EIF4G3: variants seen among roughly 807,000 people sequenced by gnomAD.
EIF4G3 encodes eukaryotic translation initiation factor 4 gamma 3, also known as eIF-4-gamma 3.
In EIF4G3, 34 loss-of-function variants were observed where a neutral mutation model predicts 186.4. The observed-to-expected ratio is 0.18, with a 90% confidence interval of 0.14 to 0.24. EIF4G3 has a LOEUF of 0.24. Ranked by LOEUF, EIF4G3 falls within the 10% of genes least tolerant of loss-of-function variation. The pLI, the probability that EIF4G3 is intolerant of heterozygous loss-of-function variation, is 1.00. For synonymous variants in EIF4G3, 673 were observed against 679.5 expected (o/e 0.99, Z 0.15); for missense variants, 1,536 against 1,948.5 (o/e 0.79, Z 3.99).
intron 29 of EIF4G3, chr1:20,847,689 C>A: frequency 2.4e-6 from 1 of 417,726 alleles, no homozygotes; most frequent in South Asian, 1.8e-5. Flanking sequence ...AAGAATACCC[C>A]TAATTTTCCA....
chr1:21,156,610 G>A lies in EIF4G3; in HGVS notation c.-272+19565C>T, dbSNP rs117836802. Among the ~76,000 whole-genome samples, 101 of 152,218 alleles carry A rather than the reference G, an allele frequency of 6.6e-4. 2 individuals are homozygous for A. The East Asian group carries it at 0.019, about 28-fold the overall frequency. On this transcript the variant is annotated intron_variant, in intron 2 of 36. Transcript: ENST00000602326. ...CATCTTTCTTACTCTATCAATGACAGCATCATTTTCTAGTCTCAAAACCCT... is the reference window on the plus strand; with the variant it reads ...CATCTTTCTTACTCTATCAATGACAACATCATTTTCTAGTCTCAAAACCCT...
intron 24 of EIF4G3, 74 bp downstream of exon 24, chr1:20,860,311 C>T: frequency 6.3e-7 from 1 of 1,589,740 alleles, no homozygotes; most frequent in Non-Finnish European, 8.6e-7. Flanking sequence ...TCATTTTATA[C>T]CTAAATACAT....
At position 21,080,127 on chromosome 1, in the gene EIF4G3, G is replaced by A. The variant is rs938495010; in HGVS notation, c.-196+9011C>T. ...CACGGTGCCACTGCAGTCCAGCCTC[G>A]GTGACAGAGTAAGACTCCAACTAAA... On this transcript the variant is annotated intron_variant, in intron 3 of 36. Coordinates refer to ENST00000602326, the MANE Select transcript of EIF4G3 (RefSeq NM_001391906.1). 3.7e-4 allele frequency among the ~76,000 whole-genome samples: 56 copies of A among 150,602 alleles called. 1 individual carries two copies. The highest frequency in any genetic ancestry group is 1.2e-3 in the African/African-American group (51 of 40,828).
At chr1:20,862,128 A>C (rs1412298910) in intron 23 of EIF4G3, 100 bp downstream of exon 23, 6 of 678,920 alleles carry the variant, frequency 8.8e-6, no homozygotes, top group Non-Finnish European at 1.4e-5. Flanking sequence ...AAGCAAAAGC[A>C]CTATCTTTAC....
At chr1:20,865,556 T>C (rs2077368560) in intron 20 of EIF4G3, among the ~76,000 whole-genome samples, 2 of 151,598 alleles carry the variant, frequency 1.3e-5, no homozygotes, top group Non-Finnish European at 2.9e-5. Context: ...TATCTAGACC[T>C]TATTTAAAAA....
At chr1:21,169,973 G>A (rs1053928223) in intron 2 of EIF4G3, among the ~76,000 whole-genome samples, 1 of 151,758 alleles carries the variant, frequency 6.6e-6, no homozygotes, top group Non-Finnish European at 1.5e-5. Flanking sequence ...TCAGGAGATT[G>A]AGAACATCTT....
Position 20,997,621 on chromosome 1 carries a change from G to A in EIF4G3, c.157C>T (p.Pro53Ser), listed in dbSNP as rs1399968710. 6.5e-7 allele frequency: 1 copy of A among 1,545,296 alleles called. No homozygotes were observed. ...WIKYCIFAAG[P>S]RPPHHQGGFR... ...AGTACCTGATGATGGGGAGGTCGAG[G>A]CCCCGCTGCAAACTGAGAAAAGGAG... The change falls in exon 7 of 37, where the codon CCT becomes TCT. Residue 53 changes from proline (P) to serine (S), a missense_variant. Physicochemically the swap from Pro to Ser is moderately conservative, Grantham distance 74 (BLOSUM62 -1). Around this residue, in one of 11 missense-constraint regions of EIF4G3, gnomAD observed 194 missense variants for 212.8 expected, o/e 0.91. Coordinates refer to ENST00000602326, the MANE Select transcript of EIF4G3 (RefSeq NM_001391906.1).
intron 27 of EIF4G3, among the ~76,000 whole-genome samples, chr1:20,853,232 G>A (rs541572776): frequency 6.4e-4 from 97 of 152,240 alleles, no homozygotes; most frequent in Non-Finnish European, 2.6e-4. Flanking sequence ...TGGGTGGATT[G>A]TCATGTTCTT....
intron 12 of EIF4G3, 23 bp from the exon 13 acceptor site, chr1:20,950,134 G>A (rs770828274): frequency 8.3e-5 from 127 of 1,538,224 alleles, no homozygotes; most frequent in Non-Finnish European, 1.0e-4. Flanking sequence ...GTACAAAAAA[G>A]GGTGATAATG....
intron 14 of EIF4G3, among the ~76,000 whole-genome samples, chr1:20,937,833 T>C (rs1343043906): frequency 1.3e-5 from 2 of 152,308 alleles, no homozygotes; most frequent in East Asian, 3.9e-4. Context: ...CCCAAGACTT[T>C]AATATATCAT....
intron 23 of EIF4G3, 130 bp from the exon 24 acceptor site, chr1:20,860,647 T>C: frequency 1.9e-6 from 2 of 1,026,098 alleles, no homozygotes; most frequent in East Asian, 2.6e-5. Context: ...GTTTCTCATG[T>C]ATCTTATAGA....
At chr1:20,906,261 T>C (rs1032588214) in intron 14 of EIF4G3, among the ~76,000 whole-genome samples, 27 of 152,214 alleles carry the variant, frequency 1.8e-4, no homozygotes, top group African/African-American at 6.0e-4. Flanking sequence ...AGGCTTCTAC[T>C]GAATACATAT....
chr1:21,047,925 C>G (rs1483272250), intron 4 of EIF4G3, among the ~76,000 whole-genome samples: 4 of 152,136 alleles, frequency 2.6e-5, no homozygotes, highest in Non-Finnish European at 5.9e-5. Context: ...AGGCTTCCCT[C>G]TGTCTGAAAG....
At chr1:20,972,716 C>T (rs751372753) in intron 11 of EIF4G3, among the ~76,000 whole-genome samples, 2 of 151,938 alleles carry the variant, frequency 1.3e-5, no homozygotes, top group Non-Finnish European at 2.9e-5. Context: ...TGAGTAAAAC[C>T]TTAGCCCACT....
rs1307705020 is a variant in EIF4G3, at chr1:21,151,044, ATC to A, written c.-272+25129_-272+25130del. ...CTACAGAAAAAAATCAAATGACCTA[ATC>A]TCACCAGCAACCAGTAACCACATGA... On this transcript the variant is annotated intron_variant, in intron 2 of 36. Coordinates refer to ENST00000602326, the MANE Select transcript of EIF4G3 (RefSeq NM_001391906.1). Among the ~76,000 whole-genome samples, 7 of 152,122 alleles carry A rather than the reference ATC, an allele frequency of 4.6e-5. No individual in the cohort carries two copies. The East Asian group carries it at 1.4e-3, about 29-fold the overall frequency.
At chr1:21,064,122 A>C (rs995721751) in intron 3 of EIF4G3, among the ~76,000 whole-genome samples, 1 of 152,198 alleles carries the variant, frequency 6.6e-6, no homozygotes, top group African/African-American at 2.4e-5. Context: ...GCAGTGAGGT[A>C]TCCAGACTGT....
intron 4 of EIF4G3, among the ~76,000 whole-genome samples, chr1:21,014,768 G>A (rs2088376844): frequency 6.6e-6 from 1 of 151,442 alleles, no homozygotes; most frequent in Non-Finnish European, 1.5e-5. Flanking sequence ...CTAGTAGCTG[G>A]GATAAGAGGC....
chr1:21,035,240 C>A (rs935492630), intron 4 of EIF4G3, among the ~76,000 whole-genome samples: 5 of 152,228 alleles, frequency 3.3e-5, no homozygotes, highest in Non-Finnish European at 7.3e-5. Flanking sequence ...CCAGGGCCAC[C>A]ATGCCACCTG....
intron 2 of EIF4G3, among the ~76,000 whole-genome samples, chr1:21,153,588 C>T (rs2097583710): frequency 6.6e-6 from 1 of 152,054 alleles, no homozygotes; most frequent in African/African-American, 2.4e-5. Context: ...GAGACGGAGT[C>T]TCGCTCTTGT....
Sources: gnomAD v4.1 joint callset for allele counts (sites outside exome capture counted in the v4.1 genomes callset) on GRCh38, gnomAD v4.1.1 for gene constraint, gnomAD v4.1.1 regional missense constraint, MANE v1.5 for transcripts, NCBI Gene and HGNC (gene_info 2026-07-23, HGNC 2026-07-21) for gene names.